Variants in YAP1 observed in about 807,000 individuals in gnomAD.
YAP1 encodes the protein Yes1 associated transcriptional regulator.
A neutral mutation model predicts 56.9 loss-of-function variants in YAP1; 5 were observed. That is an observed-to-expected ratio of 0.09 (90% CI 0.05 to 0.18). The LOEUF (loss-of-function observed/expected upper bound fraction) is 0.18, where lower values mean the gene tolerates loss of function less well. Ranked by LOEUF, YAP1 falls within the 10% of genes least tolerant of loss-of-function variation. The pLI, the probability that YAP1 is intolerant of heterozygous loss-of-function variation, is 1.00. For synonymous variants in YAP1, 265 were observed against 248.1 expected, an observed-to-expected ratio of 1.07 and a Z score of -0.64; for missense variants, 539 against 651.8, an observed-to-expected ratio of 0.83 and a Z score of 1.88.
intron 3 of YAP1, among the ~76,000 whole-genome samples, chr11:102,178,756 G>T (rs1296381096): frequency 6.6e-6 from 1 of 152,002 alleles, no homozygotes; most frequent in Non-Finnish European, 1.5e-5. Flanking sequence ...ATCTAATTTT[G>T]TGTTGCTATA....
intron 2 of YAP1, among the ~76,000 whole-genome samples, chr11:102,127,295 A>G (rs1944090717): frequency 6.6e-6 from 1 of 152,184 alleles, no homozygotes; most frequent in Admixed American, 6.5e-5. Flanking sequence ...CTGGAGGCCC[A>G]GGAGGATATG....
chr11:102,208,696 T>C (rs1949244189), intron 5 of YAP1, among the ~76,000 whole-genome samples: 1 of 152,232 alleles, frequency 6.6e-6, no homozygotes, highest in Non-Finnish European at 1.5e-5. Flanking sequence ...ATTTTGTTGT[T>C]GCCGAGTAGT....
chr11:102,201,427 G>T (rs1234084452), intron 4 of YAP1, among the ~76,000 whole-genome samples: 1 of 152,088 alleles, frequency 6.6e-6, no homozygotes, highest in Admixed American at 6.6e-5. Flanking sequence ...GGAAGCGGGT[G>T]GGAAATAAAG....
At chr11:102,192,193 CAT>C (rs879827772) in intron 4 of YAP1, among the ~76,000 whole-genome samples, 3 of 152,196 alleles carry the variant, frequency 2.0e-5, no homozygotes, top group Non-Finnish European at 4.4e-5. Flanking sequence ...CTTCCTTTCA[CAT>C]GTGTGAATAC....
chr11:102,155,082 T>G (rs1330128568), intron 2 of YAP1, among the ~76,000 whole-genome samples: 4 of 152,176 alleles, frequency 2.6e-5, no homozygotes, highest in Admixed American at 1.3e-4. Context: ...AAAGTCAAAT[T>G]ACTTCACTGA....
chr11:102,131,333 G>C (rs1944358218), intron 2 of YAP1, among the ~76,000 whole-genome samples: 1 of 152,176 alleles, frequency 6.6e-6, no homozygotes, highest in African/African-American at 2.4e-5. Context: ...GTGGTTTTAT[G>C]TAGCAGGCGT....
At chr11:102,204,646 T>TA (rs1949032366) in intron 4 of YAP1, among the ~76,000 whole-genome samples, 1 of 152,196 alleles carries the variant, frequency 6.6e-6, no homozygotes, top group Non-Finnish European at 1.5e-5. Context: ...TGGGACACAT[T>TA]AAAAATCACA....
At chr11:102,177,920 C>CTGTT (rs1338158598) in intron 3 of YAP1, among the ~76,000 whole-genome samples, 1 of 152,096 alleles carries the variant, frequency 6.6e-6, no homozygotes, top group African/African-American at 2.4e-5. Flanking sequence ...AATATGATTA[C>CTGTT]TGTTTGTCAT....
intron 4 of YAP1, among the ~76,000 whole-genome samples, chr11:102,191,002 C>T (rs1484219332): frequency 6.6e-6 from 1 of 151,872 alleles, no homozygotes; most frequent in African/African-American, 2.4e-5. Context: ...GGTGACACCC[C>T]ATCTCTGCTA....
rs1355128626 is a variant in YAP1 at position 102,229,825 on chromosome 11, G to A, written c.1400G>A (p.Gly467Glu). 2 of 1,614,058 alleles carry A rather than the reference G, an allele frequency of 1.2e-6. No individual in the cohort carries two copies. The highest frequency in any genetic ancestry group is 1.7e-6 in the Non-Finnish European group (2 of 1,180,010). Residue 467 changes from glycine to glutamate, a missense_variant, in exon 9 of 9, where the codon GGA becomes GAA. Gly to Glu is a moderately conservative substitution (Grantham distance 98). This residue lies in a region of YAP1 where 414 missense variants were observed against 512.4 expected (regional missense o/e 0.81). Transcript: ENST00000282441. ...GAAGGAGATGGAATGAACATAGAAG[G>A]AGAGGAGCTGATGCCAAGTCTGCAG... ...TLEGDGMNIE[G>E]EELMPSLQEA...
At position 102,149,977 on chromosome 11, in the gene YAP1, C is replaced by CTTTTTTTTTT. The variant is rs386374692; in HGVS notation, c.573-12461_573-12452dup. Reference sequence around the variant, plus strand: ...TAAAAAAGAGATTTTGAGTAGTGTGCTTTTTTTTTTTTTTTTTTTTTTTTT... The same window carrying CTTTTTTTTTT: ...TAAAAAAGAGATTTTGAGTAGTGTGCTTTTTTTTTTTTTTTTTTTTTTTTTTTTTTTTTTT... On this transcript the variant is annotated intron_variant, in intron 2 of 8. Transcript: ENST00000282441. Among the ~76,000 whole-genome samples the CTTTTTTTTTT allele has an allele frequency of 1.8e-4, 9 of 50,336 alleles. 2 individuals carry two copies. Among genetic ancestry groups the CTTTTTTTTTT allele is most frequent in the South Asian group, 1.1e-3 (1 of 874 alleles). The allele number at this position is 50,336 out of a possible 152,430, so 33.0% of individuals were successfully genotyped here.
chr11:102,169,961 G>A (rs1238279069), intron 3 of YAP1, among the ~76,000 whole-genome samples: 1 of 152,174 alleles, frequency 6.6e-6, no homozygotes, highest in African/African-American at 2.4e-5. Flanking sequence ...AATAAAAAAA[G>A]TAATTCAGTT....
At position 102,150,751 on chromosome 11, in the gene YAP1, A is replaced by T. The variant is rs541629018; in HGVS notation, c.573-11705A>T. 2.7e-5 allele frequency among the ~76,000 whole-genome samples: 4 copies of T among 150,830 alleles called. 1 individual carries two copies. In the East Asian group the frequency reaches 7.8e-4, roughly 29 times the overall value. On this transcript the variant is annotated intron_variant, in intron 2 of 8. Transcript: ENST00000282441. ...AAGAATATTAATAGAACCTTGTCAA[A>T]AAATTTTTACACATGCAAATCTTTT...
intron 2 of YAP1, among the ~76,000 whole-genome samples, chr11:102,125,065 C>G (rs115476838): frequency 0.014 from 2,130 of 149,520 alleles, 52 homozygotes; most frequent in African/African-American, 0.05. Flanking sequence ...TAGACAAGGT[C>G]TTCCTCTGTT....
At chr11:102,129,153 C>G (rs926265392) in intron 2 of YAP1, among the ~76,000 whole-genome samples, 2 of 152,298 alleles carry the variant, frequency 1.3e-5, no homozygotes, top group Admixed American at 1.3e-4. Flanking sequence ...CAGTTTCTCC[C>G]TGGCAGGTGG....
chr11:102,187,693 T>G (rs1294662061), intron 4 of YAP1, among the ~76,000 whole-genome samples: 3 of 152,196 alleles, frequency 2.0e-5, no homozygotes, highest in Non-Finnish European at 4.4e-5. Flanking sequence ...GAAAAAAATT[T>G]TTTCCTTTAA....
At chr11:102,210,247 T>G (rs980790020) in intron 6 of YAP1, among the ~76,000 whole-genome samples, 1 of 152,178 alleles carries the variant, frequency 6.6e-6, no homozygotes, top group Admixed American at 6.5e-5. Flanking sequence ...TTTTAGGTGT[T>G]TGAGGTCCAC....
intron 6 of YAP1, among the ~76,000 whole-genome samples, chr11:102,220,131 G>C (rs926037574): frequency 6.6e-6 from 1 of 151,942 alleles, no homozygotes; most frequent in Non-Finnish European, 1.5e-5. Flanking sequence ...CACTTTGGGA[G>C]GCCAATCGCT....
intron 2 of YAP1, among the ~76,000 whole-genome samples, chr11:102,118,458 T>G (rs1468536768): frequency 9.4e-6 from 1 of 105,942 alleles, no homozygotes; most frequent in Non-Finnish European, 1.8e-5. Flanking sequence ...TCTTTTTTCT[T>G]TCTTTCCTTT....
Sources: gnomAD v4.1 joint callset for allele counts (sites outside exome capture counted in the v4.1 genomes callset) on GRCh38, gnomAD v4.1.1 for gene constraint, gnomAD v4.1.1 regional missense constraint, MANE v1.5 for transcripts, NCBI Gene and HGNC (gene_info 2026-07-23, HGNC 2026-07-21) for gene names.